NT5E: variants seen among roughly 807,000 people sequenced by gnomAD.
NT5E encodes the protein 5'-nucleotidase.
Under a neutral mutation model 55.1 loss-of-function variants are expected in NT5E, and 53 were observed. That is an observed-to-expected ratio of 0.96 (90% CI 0.77 to 1.21). The LOEUF is 1.21. Among genes scored for constraint, NT5E ranks in the 50% most tolerant of loss-of-function variants. NT5E has a pLI of 0.00. For synonymous variants in NT5E, 270 were observed against 278.4 expected (o/e 0.97, Z 0.30); for missense variants, 683 against 724.3 (o/e 0.94, Z 0.65).
At chr6:85,464,428 G>A (rs1009058511) in intron 1 of NT5E, among the ~76,000 whole-genome samples, 5 of 152,140 alleles carry the variant, frequency 3.3e-5, no homozygotes, top group African/African-American at 1.2e-4. Context: ...GGAAACTGCG[G>A]TTCTGAGATG....
At chr6:85,491,586 A>G (rs1206857554) in intron 7 of NT5E, among the ~76,000 whole-genome samples, 1 of 152,218 alleles carries the variant, frequency 6.6e-6, no homozygotes, top group Non-Finnish European at 1.5e-5. Context: ...CCAAATCCCA[A>G]ATGATTACCA....
At position 85,471,311 on chromosome 6, in the gene NT5E, A is replaced by T. The variant is rs778160736; in HGVS notation, c.637A>T (p.Asn213Tyr). 1.9e-6 allele frequency: 3 copies of T among 1,613,116 alleles called. No homozygotes were observed. The highest frequency in any genetic ancestry group is 2.5e-6 in the Non-Finnish European group (3 of 1,179,260). ...EVDKLKTLNVNKIIALGHSGF... is the reference protein window; with the variant it reads ...EVDKLKTLNVYKIIALGHSGF... ...AGATAAGTTAAAAACTCTAAATGTGAACAAAATTATTGCACTGGGACATTC... is the reference window on the plus strand; with the variant it reads ...AGATAAGTTAAAAACTCTAAATGTGTACAAAATTATTGCACTGGGACATTC... The change falls in exon 3 of 9, where the codon AAC becomes TAC. Residue 213 changes from asparagine (N) to tyrosine (Y), a missense_variant. Coordinates refer to ENST00000257770, the MANE Select transcript of NT5E (RefSeq NM_002526.4).
chr6:85,477,925 G>T (rs1204038450), intron 3 of NT5E, among the ~76,000 whole-genome samples: 1 of 151,976 alleles, frequency 6.6e-6, no homozygotes, highest in African/African-American at 2.4e-5. Flanking sequence ...GCTTTGGGAG[G>T]CTGAGGCAGG....
intron 4 of NT5E, among the ~76,000 whole-genome samples, chr6:85,486,502 G>A (rs562011996): frequency 2.6e-5 from 4 of 152,106 alleles, no homozygotes; most frequent in African/African-American, 4.8e-5. Flanking sequence ...CCCCCCATGC[G>A]TCCGTTTATA....
At chr6:85,490,395 A>G (rs1021636067) in intron 6 of NT5E, 113 bp from the exon 7 acceptor site, 7 of 1,243,316 alleles carry the variant, frequency 5.6e-6, no homozygotes, top group South Asian at 3.6e-5. Flanking sequence ...ATGATGCTCT[A>G]TAAGCTTCCC....
intron 3 of NT5E, among the ~76,000 whole-genome samples, chr6:85,478,026 CAAAA>C (rs11433942): frequency 5.9e-5 from 6 of 102,018 alleles, no homozygotes; most frequent in Non-Finnish European, 6.8e-5. Context: ...GACCTTGTCT[CAAAA>C]AAAAAAAAAA....
intron 4 of NT5E, among the ~76,000 whole-genome samples, chr6:85,486,430 C>T (rs918296136): frequency 3.9e-5 from 6 of 152,156 alleles, no homozygotes; most frequent in Non-Finnish European, 8.8e-5. Flanking sequence ...CCTAAAGAGG[C>T]CTAGAAGAGC....
chr6:85,477,991 C>T (rs140872118), intron 3 of NT5E, among the ~76,000 whole-genome samples: 244 of 148,842 alleles, frequency 1.6e-3, no homozygotes, highest in Middle Eastern at 3.4e-3. Flanking sequence ...TACGCCACTG[C>T]ACTCCAGCCA....
chr6:85,469,688 A>C (rs4373337), intron 2 of NT5E, among the ~76,000 whole-genome samples: 6 of 152,114 alleles, frequency 3.9e-5, no homozygotes, highest in African/African-American at 1.4e-4. Context: ...ATGTTCTCAT[A>C]ATAGACAACA....
chr6:85,479,547 C>T (rs1451385854), intron 3 of NT5E, among the ~76,000 whole-genome samples: 1 of 152,174 alleles, frequency 6.6e-6, no homozygotes, highest in Non-Finnish European at 1.5e-5. Flanking sequence ...GCATTCAGAC[C>T]ACTCACCAAC....
chr6:85,467,555 A>G (rs1459460985), intron 2 of NT5E, among the ~76,000 whole-genome samples: 2 of 152,202 alleles, frequency 1.3e-5, no homozygotes, highest in East Asian at 1.9e-4. Flanking sequence ...GAGACAATGT[A>G]TAGCCAGTGC....
chr6:85,461,660 CAGTT>C (rs1244917095), intron 1 of NT5E, among the ~76,000 whole-genome samples: 8 of 152,266 alleles, frequency 5.3e-5, no homozygotes, highest in South Asian at 2.1e-4. Context: ...CAAGAGTTAA[CAGTT>C]AGTTAGGCTT....
chr6:85,460,394 A>T (rs1383145926), intron 1 of NT5E, among the ~76,000 whole-genome samples: 1 of 152,210 alleles, frequency 6.6e-6, no homozygotes, highest in Non-Finnish European at 1.5e-5. Context: ...ATTATTTTCC[A>T]TCCTGTACTA....
rs1368341740 is a variant in NT5E, at chr6:85,490,564, C to G, written c.1267C>G (p.Leu423Val). Residue 423 changes from leucine (L) to valine (V), a missense_variant, in exon 7 of 9, where the codon CTA becomes GTA. Leu to Val is a conservative substitution (Grantham distance 32, BLOSUM62 1). Coordinates refer to ENST00000257770, the MANE Select transcript of NT5E (RefSeq NM_002526.4). ...ATTGCCCTTTGGAGGCACATTTGAC[C>G]TAGTCCAGTTAAAAGGTTCCACCCT... ...AVLPFGGTFD[L>V]VQLKGSTLKK... The G allele has an allele frequency of 6.2e-7, 1 of 1,614,168 alleles. No individual in the cohort carries two copies.
intron 3 of NT5E, among the ~76,000 whole-genome samples, chr6:85,482,012 G>T (rs1296737596): frequency 6.6e-6 from 1 of 152,202 alleles, no homozygotes; most frequent in Non-Finnish European, 1.5e-5. Flanking sequence ...AGCATCCAAG[G>T]AGTGTACACT....
In NT5E at chr6:85,450,286, C is replaced by G; in HGVS notation, c.147C>G (p.Ser49Arg). 6.2e-7 allele frequency: 1 copy of G among 1,607,466 alleles called. No homozygotes were observed. The highest frequency in any genetic ancestry group is 8.5e-7 in the Non-Finnish European group (1 of 1,177,992). Residue 49 changes from serine (S) to arginine (R), a missense_variant, in exon 1 of 9, where the codon AGC becomes AGG. Physicochemically the swap from Ser to Arg is moderately radical, Grantham distance 110. Coordinates refer to ENST00000257770, the MANE Select transcript of NT5E (RefSeq NM_002526.4). This position sits in a 1 kb window ranked among gnomAD's most constrained non-coding sequence, Gnocchi z 4.0. Reference protein sequence around the residue: ...SRLEQTSEDSSKCVNASRCMG... With the variant: ...SRLEQTSEDSRKCVNASRCMG... ...TGGAGCAGACCAGCGAGGACTCCAG[C>G]AAGTGCGTCAACGCCAGCCGCTGCA... is the stretch of plus-strand genomic sequence containing the variant.
Position 85,467,133 on chromosome 6 carries a change from C to G in NT5E, c.413C>G (p.Pro138Arg). The change falls in exon 2 of 9, where the codon CCA (proline) becomes CGA (arginine). Residue 138 changes from proline to arginine, a missense_variant. Transcript: ENST00000257770. ...CCACTCCTCAAAGAGGCCAAATTTC[C>G]AATTCTGAGTGCAAACATTAAAGCA... ...IEPLLKEAKF[P>R]ILSANIKAKG... 6.2e-7 allele frequency: 1 copy of G among 1,614,136 alleles called. No homozygotes were observed. The highest frequency in any genetic ancestry group is 8.5e-7 in the Non-Finnish European group (1 of 1,180,032).
intron 3 of NT5E, among the ~76,000 whole-genome samples, chr6:85,478,499 TG>T (rs1360133862): frequency 6.6e-6 from 1 of 152,130 alleles, no homozygotes; most frequent in East Asian, 1.9e-4. Context: ...GGAAGTGGCA[TG>T]GGGTTTTCGA....
At chr6:85,485,913 A>G (rs536024272) in intron 4 of NT5E, among the ~76,000 whole-genome samples, 4 of 152,320 alleles carry the variant, frequency 2.6e-5, no homozygotes, top group Non-Finnish European at 4.4e-5. Context: ...GCAGCCCGCA[A>G]TGCAATGGGG....
Sources: allele counts gnomAD v4.1 joint callset (sites outside exome capture counted in the v4.1 genomes callset), GRCh38; gene constraint gnomAD v4.1.1; non-coding constraint Gnocchi (gnomAD v3.1); transcripts MANE v1.5; gene names NCBI Gene and HGNC (gene_info 2026-07-23, HGNC 2026-07-21).